The following INPP4B variants were observed in gnomAD, a reference collection of about 807,000 sequenced individuals.
INPP4B encodes inositol polyphosphate 4-phosphatase type II.
In INPP4B, 55 loss-of-function variants were observed where a neutral mutation model predicts 122.5. That is an observed-to-expected ratio of 0.45 (90% CI 0.36 to 0.56). The LOEUF (loss-of-function observed/expected upper bound fraction) is 0.56. Among genes scored for constraint, INPP4B ranks in the 20% least tolerant of loss-of-function variants. The pLI is 0.00. For synonymous variants in INPP4B, 403 were observed against 388.7 expected (o/e 1.04, Z -0.43); for missense variants, 1,000 against 1,097.7 (o/e 0.91, Z 1.26).
intron 1 of INPP4B, among the ~76,000 whole-genome samples, chr4:142,785,485 T>C (rs929924544): frequency 6.6e-6 from 1 of 151,816 alleles, no homozygotes; most frequent in Non-Finnish European, 1.5e-5. Context: ...ATGAACACTC[T>C]AAGAAAGAAT....
intron 2 of INPP4B, among the ~76,000 whole-genome samples, chr4:142,698,580 T>G (rs1761315175): frequency 6.6e-6 from 1 of 152,194 alleles, no homozygotes; most frequent in African/African-American, 2.4e-5. Context: ...CAACAATCTT[T>G]AAGCTGCATC....
intron 2 of INPP4B, among the ~76,000 whole-genome samples, chr4:142,524,537 ATTGTAGATTCTGGATATTAGCCC>A (rs1230354512): frequency 6.2e-4 from 94 of 152,008 alleles, no homozygotes; most frequent in African/African-American, 2.0e-3. Context: ...GTTTGAGTTC[ATTGTAGATTCTGGATATTAGCCC>A]TGGGATGCAA....
intron 2 of INPP4B, among the ~76,000 whole-genome samples, chr4:142,680,639 CT>C (rs1224912616): frequency 6.6e-6 from 1 of 151,854 alleles, no homozygotes; most frequent in Non-Finnish European, 1.5e-5. Context: ...GTGGAAGTCA[CT>C]TTTTTAAAAA....
intron 15 of INPP4B, among the ~76,000 whole-genome samples, chr4:142,187,371 G>C (rs1438758333): frequency 6.6e-6 from 1 of 151,842 alleles, no homozygotes; most frequent in Non-Finnish European, 1.5e-5. Flanking sequence ...AAAATGAATA[G>C]GAGATAAATT....
intron 1 of INPP4B, among the ~76,000 whole-genome samples, chr4:142,827,547 C>T (rs572694965): frequency 6.6e-6 from 1 of 152,156 alleles, no homozygotes; most frequent in Non-Finnish European, 1.5e-5. Context: ...AAGTACATTA[C>T]AGCTGTACAT....
In INPP4B at chr4:142,081,008, T is replaced by C. The variant is rs368594705; in HGVS notation, c.2642+1023A>G. On this transcript the variant is annotated intron_variant, in intron 25 of 25. Transcript: ENST00000262992. ...TCCTCACACATTTATCAAAAAATTA[T>C]GATAGAGCTCCACGGAAGAATGAAA... Among the ~76,000 whole-genome samples, 80 of 152,296 alleles carry C rather than the reference T, an allele frequency of 5.3e-4. 1 individual carries two copies. Among genetic ancestry groups the C allele is most frequent in the African/African-American group, 1.8e-3 (73 of 41,566 alleles).
At chr4:142,280,330 T>A (rs1750608208) in intron 9 of INPP4B, among the ~76,000 whole-genome samples, 2 of 152,020 alleles carry the variant, frequency 1.3e-5, no homozygotes, top group South Asian at 4.1e-4. Context: ...CAAACTTTGT[T>A]GTATCCACAA....
chr4:142,208,077 A>G (rs1843297108), intron 14 of INPP4B, among the ~76,000 whole-genome samples: 1 of 152,102 alleles, frequency 6.6e-6, no homozygotes, highest in Admixed American at 6.6e-5. Context: ...TTCTCAAGAC[A>G]GGAAAAATAT....
intron 3 of INPP4B, among the ~76,000 whole-genome samples, chr4:142,445,322 A>G (rs983370425): frequency 6.6e-6 from 1 of 152,198 alleles, no homozygotes; most frequent in Non-Finnish European, 1.5e-5. Flanking sequence ...TTAGAAGAAA[A>G]AATAGAAAAG....
At chr4:142,332,810 C>G (rs1399719535) in intron 7 of INPP4B, among the ~76,000 whole-genome samples, 1 of 150,710 alleles carries the variant, frequency 6.6e-6, no homozygotes, top group African/African-American at 2.4e-5. Context: ...CGAGACCAAC[C>G]TGGCTAACAA....
chr4:142,846,004 C>A lies in INPP4B; in HGVS notation c.-254+205G>T, dbSNP rs1229911607. Among the ~76,000 whole-genome samples the A allele has an allele frequency of 1.3e-5, 2 of 152,060 alleles. No homozygotes were observed. Among genetic ancestry groups the A allele is most frequent in the Non-Finnish European group, 2.9e-5 (2 of 68,010 alleles). On this transcript the variant is annotated intron_variant, in intron 1 of 25. Transcript: ENST00000262992. This position sits in a 1 kb window ranked among gnomAD's most constrained non-coding sequence, Gnocchi z 5.1. ...CCCCAGCAGCCGAGGAGAGACAGCC[C>A]ACCCCACCCTTTAAGCTAAAGAGCT...
chr4:142,610,808 T>C (rs1387917179), intron 2 of INPP4B, among the ~76,000 whole-genome samples: 1 of 152,134 alleles, frequency 6.6e-6, no homozygotes, highest in Non-Finnish European at 1.5e-5. Flanking sequence ...ACCCACACAT[T>C]ACAAACTGAA....
chr4:142,205,795 T>C (rs189440009), intron 14 of INPP4B, among the ~76,000 whole-genome samples: 8 of 152,268 alleles, frequency 5.3e-5, no homozygotes, highest in African/African-American at 1.9e-4. Flanking sequence ...AGAATAACAT[T>C]ATGTTGATTG....
intron 7 of INPP4B, among the ~76,000 whole-genome samples, chr4:142,319,950 G>A (rs532983691): frequency 6.6e-6 from 1 of 152,292 alleles, no homozygotes; most frequent in South Asian, 2.1e-4. Context: ...AATCTCACGA[G>A]GCTGAAATCA....
intron 3 of INPP4B, among the ~76,000 whole-genome samples, chr4:142,443,487 C>T (rs1021215218): frequency 6.6e-6 from 1 of 152,096 alleles, no homozygotes; most frequent in African/African-American, 2.4e-5. Flanking sequence ...TGGGATGACA[C>T]CACTAGAGAT....
intron 25 of INPP4B, among the ~76,000 whole-genome samples, chr4:142,042,843 G>C (rs1417451792): frequency 6.6e-6 from 1 of 152,102 alleles, no homozygotes; most frequent in Non-Finnish European, 1.5e-5. Context: ...TTACAGGCAT[G>C]AGCCACCGCG....
intron 2 of INPP4B, among the ~76,000 whole-genome samples, chr4:142,510,070 A>T (rs990247494): frequency 2.0e-5 from 3 of 152,206 alleles, no homozygotes; most frequent in Admixed American, 6.5e-5. Flanking sequence ...GATCCAGATA[A>T]TCCAGTTTGT....
chr4:142,720,441 T>TA (rs1764373146), intron 2 of INPP4B, among the ~76,000 whole-genome samples: 2 of 152,038 alleles, frequency 1.3e-5, no homozygotes, highest in African/African-American at 2.4e-5. Flanking sequence ...AGGTTTCCTC[T>TA]TTCCCAATGT....
intron 2 of INPP4B, among the ~76,000 whole-genome samples, chr4:142,490,640 C>T (rs902090855): frequency 6.6e-6 from 1 of 151,936 alleles, no homozygotes; most frequent in East Asian, 1.9e-4. Context: ...ATACAATACA[C>T]CTCTTGAATT....
Sources: allele counts gnomAD v4.1 joint callset (sites outside exome capture counted in the v4.1 genomes callset), GRCh38; gene constraint gnomAD v4.1.1; non-coding constraint Gnocchi (gnomAD v3.1); transcripts MANE v1.5; gene names NCBI Gene and HGNC (gene_info 2026-07-23, HGNC 2026-07-21).